The following ABR variants were observed in gnomAD, a reference collection of about 807,000 sequenced individuals.
ABR encodes ABR activator of RhoGEF and GTPase, also known as active breakpoint cluster region-related protein.
Under a neutral mutation model 107.2 loss-of-function variants are expected in ABR, and 35 were observed. The observed-to-expected ratio is 0.33, with a 90% CI of 0.25 to 0.43. The LOEUF is 0.43. ABR is among the 20% of genes least tolerant of loss of function. The pLI is 1.00. For synonymous variants in ABR, 498 were observed against 462.0 expected (o/e 1.08, Z -1.00); for missense variants, 815 against 1,115.2 (o/e 0.73, Z 3.83).
At chr17:1,085,043 C>A (rs551134881) in intron 4 of ABR, among the ~76,000 whole-genome samples, 2 of 151,584 alleles carry the variant, frequency 1.3e-5, no homozygotes, top group South Asian at 4.2e-4. Flanking sequence ...CTCAGGTGAT[C>A]CACCTGCCTC....
intron 10 of ABR, among the ~76,000 whole-genome samples, chr17:1,061,938 G>C (rs1445831601): frequency 6.6e-6 from 1 of 152,220 alleles, no homozygotes; most frequent in Non-Finnish European, 1.5e-5. Flanking sequence ...GTGGGGAAGA[G>C]AGGAGTCTGA....
At chr17:1,139,242 TTTTTTGTTCC>T (rs2040197402) in intron 1 of ABR, among the ~76,000 whole-genome samples, 3 of 152,156 alleles carry the variant, frequency 2.0e-5, no homozygotes, top group African/African-American at 7.2e-5. Flanking sequence ...AAAAGAGGTT[TTTTTTGTTCC>T]TTTGTTTTTT....
At chr17:1,059,625 CCT>C (rs753611824) in intron 10 of ABR, among the ~76,000 whole-genome samples, 2 of 152,204 alleles carry the variant, frequency 1.3e-5, no homozygotes, top group African/African-American at 4.8e-5. Flanking sequence ...TCAGCCTCCC[CCT>C]CTCACCAGAC....
At chr17:1,215,420 T>G (rs921800154) in intron 1 of ABR, among the ~76,000 whole-genome samples, 2 of 152,216 alleles carry the variant, frequency 1.3e-5, no homozygotes, top group Non-Finnish European at 2.9e-5. Context: ...CGTATTTTTT[T>G]GGTGGAGACG....
intron 16 of ABR, among the ~76,000 whole-genome samples, chr17:1,043,432 G>A (rs561460971): frequency 2.0e-4 from 31 of 152,184 alleles, no homozygotes; most frequent in African/African-American, 7.2e-4. Context: ...GCCTCCCAAA[G>A]TGCTGGGATT....
intron 1 of ABR, among the ~76,000 whole-genome samples, chr17:1,143,718 G>A (rs975460783): frequency 3.9e-5 from 6 of 152,218 alleles, no homozygotes; most frequent in African/African-American, 1.4e-4. Context: ...GACCGTAGCC[G>A]CCTGGAGAAG....
chr17:1,087,179 G>T (rs2036647557), intron 4 of ABR, among the ~76,000 whole-genome samples: 1 of 152,206 alleles, frequency 6.6e-6, no homozygotes, highest in African/African-American at 2.4e-5. Flanking sequence ...TACAGCTGCT[G>T]CCTGGCTTCC....
chr17:1,049,843 C>T (rs1464519548), intron 16 of ABR: 6 of 617,886 alleles, frequency 9.7e-6, no homozygotes, highest in Non-Finnish European at 1.4e-5. Context: ...GATGACCCAC[C>T]TGAGGAGCCA....
chr17:1,206,559 A>G lies in ABR; in HGVS notation c.838+22234T>C, dbSNP rs530260635. Among the ~76,000 whole-genome samples the G allele has an allele frequency of 4.8e-4, 73 of 152,266 alleles. 1 individual carries two copies. The highest frequency in any genetic ancestry group is 6.8e-3 in the Middle Eastern group (2 of 294). On this transcript the variant is annotated intron_variant, in intron 1 of 22. Coordinates refer to the ABR transcript ENST00000574139. ...GGCATTTGGAAACTGAAAAGTGGAA[A>G]TAACCAGCTTTCGTTTCTGGGCTGC...
chr17:1,031,022 G>A (rs1018174739), intron 16 of ABR, among the ~76,000 whole-genome samples: 3 of 152,202 alleles, frequency 2.0e-5, no homozygotes, highest in Non-Finnish European at 2.9e-5. Flanking sequence ...GGGGCTGCAG[G>A]GGCACCGGCG....
At chr17:1,114,224 C>T (rs911879138) in intron 2 of ABR, among the ~76,000 whole-genome samples, 8 of 145,778 alleles carry the variant, frequency 5.5e-5, no homozygotes, top group African/African-American at 2.0e-4. Context: ...TAATCCCGCA[C>T]TTTGGGAGGC....
At position 1,051,535 on chromosome 17, in the gene ABR, G is replaced by A. The variant is rs556104782; in HGVS notation, c.1562-901C>T. Among the ~76,000 whole-genome samples the A allele has an allele frequency of 6.6e-5, 10 of 152,244 alleles. No homozygotes were observed. The highest frequency in any genetic ancestry group is 3.4e-3 in the Middle Eastern group (1 of 294). On this transcript the variant is annotated intron_variant, in intron 14 of 22. Coordinates refer to ENST00000302538, the MANE Select transcript of ABR (RefSeq NM_021962.5). This position sits in a 1 kb window ranked among gnomAD's most constrained non-coding sequence, Gnocchi z 4.3. Reference sequence around the variant, plus strand: ...ACTGCTGAGGCCACAGCACCGGCACGGACCCCAGGCCCTCTGCAAACCCAC... The same window carrying A: ...ACTGCTGAGGCCACAGCACCGGCACAGACCCCAGGCCCTCTGCAAACCCAC...
At position 1,111,289 on chromosome 17, in the gene ABR, C is replaced by T. The variant is rs142122275; in HGVS notation, c.247-10554G>A. 1.1e-4 allele frequency among the ~76,000 whole-genome samples: 16 copies of T among 152,332 alleles called. No individual in the cohort carries two copies. In the East Asian group the frequency reaches 2.7e-3, roughly 26 times the overall value. On this transcript the variant is annotated intron_variant, in intron 2 of 22. Coordinates refer to ENST00000302538, the MANE Select transcript of ABR (RefSeq NM_021962.5). ...AAATCCCTGAACCCCACACAAGTGA[C>T]TCCCTGAGTATCCAGGGCCTCTCTA...
chr17:1,041,333 T>C (rs2030436238), intron 16 of ABR, among the ~76,000 whole-genome samples: 1 of 152,344 alleles, frequency 6.6e-6, no homozygotes, highest in Admixed American at 6.5e-5. Context: ...AGTGAACAGG[T>C]GAAAGCGTGG....
chr17:1,177,336 G>A (rs1374846137), intron 1 of ABR, among the ~76,000 whole-genome samples: 2 of 152,188 alleles, frequency 1.3e-5, no homozygotes, highest in South Asian at 2.1e-4. Context: ...GGGAGGCAGG[G>A]ACTCCTCACA....
Position 1,050,390 on chromosome 17 carries a change from C to T in ABR, c.1659+147G>A, listed in dbSNP as rs2032327882. The T allele has an allele frequency of 1.1e-6, 1 of 950,644 alleles. No individual in the cohort carries two copies. The highest frequency in any genetic ancestry group is 2.6e-5 in the East Asian group (1 of 39,008). 58.9% of individuals were successfully genotyped at this position (950,644 alleles called of 1,614,324 possible). Reference sequence around the variant, plus strand: ...CCACAGGGTCTGACACCCAGACACACACCGCGATCAGAAGCCAGAGGAGCA... The same window carrying T: ...CCACAGGGTCTGACACCCAGACACATACCGCGATCAGAAGCCAGAGGAGCA... On this transcript the variant is annotated intron_variant, in intron 15 of 22. Transcript: ENST00000302538. This position sits in a 1 kb window ranked among gnomAD's most constrained non-coding sequence, Gnocchi z 4.6.
At chr17:1,229,604 C>T (rs2043298495) in exon 1 of ABR, among the ~76,000 whole-genome samples, 1 of 151,880 alleles carries the variant, frequency 6.6e-6, no homozygotes, top group South Asian at 2.1e-4. Context: ...CCCGCCAGCG[C>T]CGCTCGAACG....
At position 1,157,249 on chromosome 17, in the gene ABR, C is replaced by CTT. The variant is rs545131491; in HGVS notation, c.61+22416_61+22417dup. Among the ~76,000 whole-genome samples the CTT allele has an allele frequency of 7.4e-5, 9 of 121,786 alleles. No individual in the cohort carries two copies. The highest frequency in any genetic ancestry group is 2.7e-4 in the African/African-American group (9 of 32,984). 79.9% of individuals were successfully genotyped at this position (121,786 alleles called of 152,430 possible). A position where few individuals can be genotyped will look rare whatever the true frequency, so the allele number is the denominator to read the frequency against. On this transcript the variant is annotated intron_variant, in intron 1 of 22. Coordinates refer to ENST00000302538, the MANE Select transcript of ABR (RefSeq NM_021962.5). This position sits in a 1 kb window ranked among gnomAD's most constrained non-coding sequence, Gnocchi z 4.7. ...GTCAGTCGTGCTACAGCGCACATTA[C>CTT]TTTTTTTTTTTTTTTTTTTGAGATG...
chr17:1,026,154 T>A (rs1567601830), intron 16 of ABR, among the ~76,000 whole-genome samples: 1 of 152,236 alleles, frequency 6.6e-6, no homozygotes, highest in Admixed American at 6.5e-5. Context: ...ATCATCCTGT[T>A]CAGCTCCTTC....
Sources: gnomAD v4.1 joint callset for allele counts (sites outside exome capture counted in the v4.1 genomes callset) on GRCh38, gnomAD v4.1.1 for gene constraint, Gnocchi (gnomAD v3.1) non-coding constraint, MANE v1.5 for transcripts, NCBI Gene and HGNC (gene_info 2026-07-23, HGNC 2026-07-21) for gene names.